Variants in CAP2 observed in about 807,000 individuals in gnomAD.
The protein encoded by CAP2 is cyclase associated actin cytoskeleton regulatory protein 2, also known as adenylyl cyclase-associated protein 2.
In CAP2, 24 loss-of-function variants were observed where a neutral mutation model predicts 57.7. That is an observed-to-expected ratio of 0.42 (90% CI 0.30 to 0.58). CAP2 has a LOEUF of 0.58. CAP2 is among the 20% of genes least tolerant of loss of function. The probability of loss-of-function intolerance (pLI) is 0.22; values close to 1 mark genes in which losing one functional copy is unlikely to be tolerated. For missense variants in CAP2, 501 were observed against 590.3 expected (o/e 0.85, Z 1.57); for synonymous variants, 194 against 207.2 (o/e 0.94, Z 0.55).
chr6:17,475,551 G>A (rs1272182042), intron 4 of CAP2, among the ~76,000 whole-genome samples: 1 of 152,200 alleles, frequency 6.6e-6, no homozygotes, highest in Non-Finnish European at 1.5e-5. Flanking sequence ...ATTTCTAGAT[G>A]TGTGGCGCTA....
intron 4 of CAP2, among the ~76,000 whole-genome samples, chr6:17,476,575 C>T (rs902345061): frequency 6.6e-6 from 1 of 152,180 alleles, no homozygotes; most frequent in Non-Finnish European, 1.5e-5. Context: ...CAAAGAATCA[C>T]AGCATTCTGA....
intron 3 of CAP2, among the ~76,000 whole-genome samples, chr6:17,462,060 C>T (rs1343119439): frequency 7.1e-6 from 1 of 140,130 alleles, no homozygotes; most frequent in African/African-American, 2.5e-5. Flanking sequence ...ACCAAAAAAA[C>T]CCACAAAAAT....
chr6:17,534,701 C>T (rs9367954), intron 7 of CAP2, among the ~76,000 whole-genome samples: 52,433 of 152,094 alleles, frequency 0.34, 10,864 homozygotes, highest in Non-Finnish European at 0.46. Flanking sequence ...AGTAGTGGAT[C>T]ACTCGATGGG....
intron 3 of CAP2, among the ~76,000 whole-genome samples, chr6:17,443,198 G>A (rs535744466): frequency 2.6e-5 from 4 of 152,208 alleles, no homozygotes; most frequent in Admixed American, 1.3e-4. Context: ...GCTGCAGTGG[G>A]CCACTATCAC....
At chr6:17,510,945 T>C (rs1479911902) in intron 6 of CAP2, among the ~76,000 whole-genome samples, 1 of 152,228 alleles carries the variant, frequency 6.6e-6, no homozygotes, top group African/African-American at 2.4e-5. Context: ...TGAGGGGTTC[T>C]CCCCAGGTAG....
chr6:17,412,379 A>G (rs1370617783), intron 1 of CAP2, among the ~76,000 whole-genome samples: 1 of 152,206 alleles, frequency 6.6e-6, no homozygotes, highest in Non-Finnish European at 1.5e-5. Flanking sequence ...TGAATGAGGA[A>G]GAAGGAATGA....
chr6:17,527,715 C>G (rs1013630283), intron 7 of CAP2, among the ~76,000 whole-genome samples: 3 of 151,494 alleles, frequency 2.0e-5, no homozygotes, highest in Non-Finnish European at 4.4e-5. Flanking sequence ...TGTGCCTCAG[C>G]TTTCTGAGTA....
chr6:17,450,422 A>G (rs757915131), intron 3 of CAP2, among the ~76,000 whole-genome samples: 4 of 152,178 alleles, frequency 2.6e-5, no homozygotes, highest in Admixed American at 6.5e-5. Flanking sequence ...TGGATATGAC[A>G]TATTTTGGAT....
intron 3 of CAP2, among the ~76,000 whole-genome samples, chr6:17,432,992 C>T (rs962320129): frequency 6.9e-5 from 10 of 144,094 alleles, no homozygotes; most frequent in Admixed American, 1.4e-4. Context: ...CCCTTCCATC[C>T]GTCCATCTAT....
At chr6:17,556,039 A>G (rs1763303167) in intron 12 of CAP2, among the ~76,000 whole-genome samples, 1 of 152,214 alleles carries the variant, frequency 6.6e-6, no homozygotes, top group South Asian at 2.1e-4. Flanking sequence ...TGGCATCCCC[A>G]AGAACTCCTA....
At chr6:17,408,107 A>G (rs931613030) in intron 1 of CAP2, among the ~76,000 whole-genome samples, 17 of 152,206 alleles carry the variant, frequency 1.1e-4, no homozygotes, top group Non-Finnish European at 1.3e-4. Context: ...ATCTAAGTCC[A>G]TTAGTATTGC....
intron 3 of CAP2, among the ~76,000 whole-genome samples, chr6:17,441,485 T>C (rs1277289374): frequency 6.6e-6 from 1 of 151,514 alleles, no homozygotes; most frequent in African/African-American, 2.4e-5. Context: ...GAAAACAAAA[T>C]TGTCGTTTTT....
In CAP2 at chr6:17,476,703, C is replaced by T. The variant is rs146046444; in HGVS notation, c.300+13630C>T. On this transcript the variant is annotated intron_variant, in intron 4 of 12. Transcript: ENST00000229922. ...GGGAAAAGGAGAAAGACGAGAACAA[C>T]GGGAAGTATGTGAGGAGAGAGGATA... Among the ~76,000 whole-genome samples the T allele has an allele frequency of 1.8e-4, 28 of 152,062 alleles. No homozygotes were observed. The East Asian group carries it at 2.1e-3, about 12-fold the overall frequency.
intron 7 of CAP2, among the ~76,000 whole-genome samples, chr6:17,533,660 C>T (rs917931196): frequency 2.0e-5 from 3 of 151,668 alleles, no homozygotes; most frequent in Non-Finnish European, 2.9e-5. Context: ...CCTCTGCCTC[C>T]TGGGTTCAAG....
chr6:17,395,597 C>T (rs779280645), intron 1 of CAP2, among the ~76,000 whole-genome samples: 5 of 152,150 alleles, frequency 3.3e-5, no homozygotes, highest in African/African-American at 7.2e-5. Context: ...TCTTGAGTGC[C>T]TGTTATACCT....
At chr6:17,478,491 T>C (rs920960283) in intron 4 of CAP2, among the ~76,000 whole-genome samples, 1 of 152,022 alleles carries the variant, frequency 6.6e-6, no homozygotes, top group African/African-American at 2.4e-5. Flanking sequence ...CTGATAACAT[T>C]ATAAATATCC....
intron 11 of CAP2, among the ~76,000 whole-genome samples, chr6:17,548,093 C>T (rs1017563473): frequency 1.1e-4 from 17 of 151,924 alleles, no homozygotes; most frequent in East Asian, 1.9e-4. Context: ...AGAGGCCGAG[C>T]GTGGTGGCTC....
chr6:17,525,960 G>A (rs1332086033), intron 7 of CAP2, among the ~76,000 whole-genome samples: 1 of 152,100 alleles, frequency 6.6e-6, no homozygotes, highest in African/African-American at 2.4e-5. Context: ...AGCAGTGACT[G>A]GTACCCTGGT....
At chr6:17,544,401 A>G (rs1224544048) in intron 11 of CAP2, among the ~76,000 whole-genome samples, 1 of 152,200 alleles carries the variant, frequency 6.6e-6, no homozygotes, top group African/African-American at 2.4e-5. Flanking sequence ...AAACAACTTG[A>G]GAAGTAGGGT....
Sources: allele counts gnomAD v4.1 joint callset (sites outside exome capture counted in the v4.1 genomes callset), GRCh38; gene constraint gnomAD v4.1.1; transcripts MANE v1.5; gene names NCBI Gene and HGNC (gene_info 2026-07-23, HGNC 2026-07-21).